Variants in SLC35F3 observed in about 807,000 individuals in gnomAD.
SLC35F3 encodes putative thiamine transporter SLC35F3.
SLC35F3 carries 25 observed loss-of-function variants against 49.9 expected under a neutral mutation model. The ratio of observed to expected loss-of-function variants is 0.50; its 90% CI spans 0.37 to 0.70. The LOEUF is 0.70. Among genes scored for constraint, SLC35F3 ranks in the 30% least tolerant of loss-of-function variants. The probability of loss-of-function intolerance (pLI) is 0.00; values close to 1 mark genes in which losing one functional copy is unlikely to be tolerated. For missense variants in SLC35F3, 525 were observed against 639.8 expected (o/e 0.82, Z 1.94); for synonymous variants, 275 against 265.4 (o/e 1.04, Z -0.35).
intron 3 of SLC35F3, among the ~76,000 whole-genome samples, chr1:234,249,583 C>A (rs936119096): frequency 4.6e-5 from 7 of 152,142 alleles, no homozygotes; most frequent in African/African-American, 1.7e-4. Context: ...GGGCAGGGGT[C>A]CTATGGGAAA....
At chr1:234,235,907 G>A (rs1056029624) in intron 3 of SLC35F3, among the ~76,000 whole-genome samples, 1 of 152,062 alleles carries the variant, frequency 6.6e-6, no homozygotes, top group Admixed American at 6.5e-5. Context: ...AACATTTATC[G>A]GCCATTTAAA....
chr1:234,047,330 C>A (rs894106962), intron 2 of SLC35F3, among the ~76,000 whole-genome samples: 3 of 152,032 alleles, frequency 2.0e-5, no homozygotes, highest in African/African-American at 7.3e-5. Context: ...ATGAGATTAC[C>A]ATTTGACTTA....
At chr1:234,215,880 G>T (rs1036235433) in intron 2 of SLC35F3, among the ~76,000 whole-genome samples, 7 of 152,236 alleles carry the variant, frequency 4.6e-5, no homozygotes, top group African/African-American at 1.7e-4. Flanking sequence ...GGTGAAGCAG[G>T]AATGGAATCC....
intron 2 of SLC35F3, among the ~76,000 whole-genome samples, chr1:233,969,978 A>G (rs1232713939): frequency 6.6e-6 from 1 of 152,210 alleles, no homozygotes; most frequent in Non-Finnish European, 1.5e-5. Context: ...GCCCTGACCA[A>G]TGACTTCTGC....
chr1:233,936,565 TCTC>T (rs1353467222), intron 2 of SLC35F3, among the ~76,000 whole-genome samples: 7 of 151,438 alleles, frequency 4.6e-5, no homozygotes, highest in Non-Finnish European at 7.4e-5. Context: ...TTCTTCTTCT[TCTC>T]CTCCTTCCTC....
At chr1:233,984,452 G>A (rs1341137629) in intron 2 of SLC35F3, among the ~76,000 whole-genome samples, 1 of 152,156 alleles carries the variant, frequency 6.6e-6, no homozygotes, top group East Asian at 1.9e-4. Context: ...AGTTTTTAAC[G>A]GGATGGGTAA....
intron 2 of SLC35F3, among the ~76,000 whole-genome samples, chr1:234,146,725 G>C (rs1445070115): frequency 6.6e-6 from 1 of 151,908 alleles, no homozygotes; most frequent in African/African-American, 2.4e-5. Context: ...TGTTTGTCAG[G>C]CTGGTCTCCA....
At chr1:234,073,492 G>T (rs1019920526) in intron 2 of SLC35F3, among the ~76,000 whole-genome samples, 1 of 152,106 alleles carries the variant, frequency 6.6e-6, no homozygotes, top group Non-Finnish European at 1.5e-5. Context: ...TTGCATAGCT[G>T]GATAATCGAA....
chr1:234,310,601 C>T (rs932927794), intron 4 of SLC35F3, among the ~76,000 whole-genome samples: 3 of 152,186 alleles, frequency 2.0e-5, no homozygotes, highest in Non-Finnish European at 4.4e-5. Context: ...CTGCCTGACT[C>T]GATGCTGAAG....
At chr1:234,213,484 C>G (rs918000108) in intron 2 of SLC35F3, 1 of 152,290 alleles carries the variant, frequency 6.6e-6, no homozygotes, top group Non-Finnish European at 1.5e-5. Context: ...TGATGATGCA[C>G]TGTCATGGGA....
intron 2 of SLC35F3, among the ~76,000 whole-genome samples, chr1:234,108,587 G>T (rs1665334401): frequency 1.9e-5 from 2 of 104,232 alleles, no homozygotes; most frequent in Non-Finnish European, 3.5e-5. Flanking sequence ...ATATATAAAA[G>T]ATATACATAT....
chr1:234,072,803 C>T (rs1558221606), intron 2 of SLC35F3, among the ~76,000 whole-genome samples: 1 of 152,162 alleles, frequency 6.6e-6, no homozygotes, highest in Non-Finnish European at 1.5e-5. Flanking sequence ...GGGCAAGGGT[C>T]CCCATCACAC....
intron 2 of SLC35F3, among the ~76,000 whole-genome samples, chr1:234,166,138 T>A (rs996007700): frequency 1.3e-5 from 2 of 152,206 alleles, no homozygotes; most frequent in Non-Finnish European, 2.9e-5. Flanking sequence ...TCTTTGCAAC[T>A]GTGAACTGAA....
chr1:234,017,446 GCT>G, intron 2 of SLC35F3, among the ~76,000 whole-genome samples: 1 of 151,984 alleles, frequency 6.6e-6, no homozygotes. Flanking sequence ...GGGCGCAGTG[GCT>G]CATGCATGTA....
chr1:234,210,243 A>G (rs563128690), intron 2 of SLC35F3, among the ~76,000 whole-genome samples: 1 of 152,022 alleles, frequency 6.6e-6, no homozygotes, highest in East Asian at 1.9e-4. Context: ...AGTCCATTAA[A>G]CCTCTTTTTC....
rs1260921828 is a variant in SLC35F3 at position 234,088,712 on chromosome 1, T to C, written c.284-142705T>C. ...ACAAAGAACTGCACACCACAGACTA[T>C]TAGGGATTTTACACATGTCATAAGG... On this transcript the variant is annotated intron_variant, in intron 2 of 7. Coordinates refer to ENST00000366618, the MANE Select transcript of SLC35F3 (RefSeq NM_173508.4). Among the ~76,000 whole-genome samples the C allele has an allele frequency of 4.6e-5, 7 of 152,188 alleles. No individual in the cohort carries two copies. The South Asian group carries it at 1.2e-3, about 27-fold the overall frequency.
chr1:234,249,303 C>T (rs1391591725), intron 3 of SLC35F3, among the ~76,000 whole-genome samples: 1 of 152,170 alleles, frequency 6.6e-6, no homozygotes, highest in Non-Finnish European at 1.5e-5. Context: ...GCTTCTTTCA[C>T]AGGTTTTTCC....
chr1:234,025,850 CT>C (rs1259121544), intron 2 of SLC35F3, among the ~76,000 whole-genome samples: 3 of 148,724 alleles, frequency 2.0e-5, no homozygotes, highest in African/African-American at 7.3e-5. Flanking sequence ...TGTTTTGTTG[CT>C]TTTGGGAACT....
chr1:234,085,124 A>T (rs911448333), intron 2 of SLC35F3, among the ~76,000 whole-genome samples: 1 of 152,192 alleles, frequency 6.6e-6, no homozygotes, highest in South Asian at 2.1e-4. Context: ...CCTAGAAGGG[A>T]GAGTCTAGAA....
Sources: allele counts gnomAD v4.1 joint callset (sites outside exome capture counted in the v4.1 genomes callset), GRCh38; gene constraint gnomAD v4.1.1; transcripts MANE v1.5; gene names NCBI Gene and HGNC (gene_info 2026-07-23, HGNC 2026-07-21).